Variants in RPP38 observed in about 807,000 individuals in gnomAD.
RPP38 encodes ribonuclease P/MRP subunit p38.
RPP38 carries 2 observed loss-of-function variants against 1.7 expected under a neutral mutation model. The ratio of observed to expected loss-of-function variants is 1.18; its 90% CI spans 0.48 to 3.70. The LOEUF is 3.70. Ranked by LOEUF, RPP38 falls within the 30% of genes most tolerant of loss-of-function variation. The pLI is 0.07. For synonymous variants in RPP38, 151 were observed against 131.8 expected, an observed-to-expected ratio of 1.15 and a Z score of -1.00; for missense variants, 358 against 340.1, an observed-to-expected ratio of 1.05 and a Z score of -0.41.
At chr10:15,101,397 T>C (rs1482066124) in intron 1 of RPP38, among the ~76,000 whole-genome samples, 1 of 152,108 alleles carries the variant, frequency 6.6e-6, no homozygotes, top group Non-Finnish European at 1.5e-5. Flanking sequence ...GGAAGAAAAC[T>C]GAGGGAAGAG....
intron 2 of RPP38, chr10:15,103,041 C>T (rs1265696263): frequency 4.6e-6 from 1 of 217,294 alleles, no homozygotes; most frequent in Non-Finnish European, 9.1e-6. Context: ...AAAATAGAAA[C>T]ATTAGCTGGG....
At chr10:15,099,562 C>T (rs1228830876) in intron 1 of RPP38, among the ~76,000 whole-genome samples, 1 of 151,850 alleles carries the variant, frequency 6.6e-6, no homozygotes, top group Non-Finnish European at 1.5e-5. Flanking sequence ...GCAGCCTCCG[C>T]CTTCTGGGTT....
chr10:15,103,508 A>C lies in RPP38; in HGVS notation c.194A>C (p.Lys65Thr). The C allele has an allele frequency of 6.2e-7, 1 of 1,614,102 alleles. No homozygotes were observed. The highest frequency in any genetic ancestry group is 8.5e-7 in the Non-Finnish European group (1 of 1,180,034). The stretch of plus-strand genomic sequence containing the variant: ...CTTCAGAAGATTGAAGATAAGAAGA[A>C]AAAGAACAAAACACCTTTTCTGAAA... ...IGLQKIEDKK[K>T]KNKTPFLKKE... Residue 65 changes from lysine (K) to threonine (T), a missense_variant, in exon 3 of 3, where the codon AAA (lysine) becomes ACA (threonine). Physicochemically the swap from Lys to Thr is moderately conservative, Grantham distance 78. Coordinates refer to ENST00000378197, the MANE Select transcript of RPP38 (RefSeq NM_183005.5).
intron 1 of RPP38, among the ~76,000 whole-genome samples, chr10:15,099,454 A>T (rs1845052834): frequency 6.6e-6 from 1 of 151,114 alleles, no homozygotes; most frequent in South Asian, 2.1e-4. Context: ...CAACAAAGCA[A>T]GACCTTGTCT....
Position 15,097,605 on chromosome 10 carries a change from G to A in RPP38, c.-291G>A, listed in dbSNP as rs1210852078. ...CCCGGGCCGGGCGCGTGCACCCAGAGCTTCCGCGTTTCTAGTCCGGCTCCT... is the reference window on the plus strand; with the variant it reads ...CCCGGGCCGGGCGCGTGCACCCAGAACTTCCGCGTTTCTAGTCCGGCTCCT... On this transcript the variant is annotated 5_prime_UTR_variant, in exon 1 of 3. Coordinates refer to ENST00000378197, the MANE Select transcript of RPP38 (RefSeq NM_183005.5). The A allele has an allele frequency of 6.6e-6, 1 of 152,322 alleles. No homozygotes were observed. The highest frequency in any genetic ancestry group is 1.5e-5 in the Non-Finnish European group (1 of 68,084). 9.4% of individuals were successfully genotyped at this position (152,322 alleles called of 1,614,324 possible). A position where few individuals can be genotyped will look rare whatever the true frequency, so the allele number is the denominator to read the frequency against.
Position 15,103,682 on chromosome 10 carries a change from C to T in RPP38, c.368C>T (p.Ala123Val). The change falls in exon 3 of 3, where the codon GCC becomes GTC. Residue 123 changes from alanine (A) to valine (V), a missense_variant. Coordinates refer to ENST00000378197, the MANE Select transcript of RPP38 (RefSeq NM_183005.5). Reference protein sequence around the residue: ...LAIGVNEVTRALERRELLLVL... With the variant: ...LAIGVNEVTRVLERRELLLVL... The stretch of plus-strand genomic sequence containing the variant: ...ATTGGCGTTAACGAAGTTACCAGAG[C>T]CCTGGAAAGGAGGGAACTGCTGTTA... The T allele has an allele frequency of 6.2e-7, 1 of 1,613,956 alleles. No individual in the cohort carries two copies. The highest frequency in any genetic ancestry group is 8.5e-7 in the Non-Finnish European group (1 of 1,180,020).
intron 1 of RPP38, among the ~76,000 whole-genome samples, chr10:15,099,106 C>T (rs1370364570): frequency 6.6e-6 from 1 of 152,078 alleles, no homozygotes; most frequent in South Asian, 2.1e-4. Flanking sequence ...CCTGGCACAT[C>T]GTGGATAATC....
intron 1 of RPP38, among the ~76,000 whole-genome samples, chr10:15,100,610 C>T (rs1845082617): frequency 6.6e-6 from 1 of 151,822 alleles, no homozygotes; most frequent in Non-Finnish European, 1.5e-5. Flanking sequence ...TTTCTCGGGG[C>T]TGTCCAGTGT....
chr10:15,103,467 G>C lies in RPP38; in HGVS notation c.153G>C (p.Arg51Ser), dbSNP rs1187748122. The C allele has an allele frequency of 6.2e-6, 10 of 1,614,010 alleles. No homozygotes were observed. The highest frequency in any genetic ancestry group is 3.3e-5 in the Admixed American group (2 of 59,998). Residue 51 changes from arginine to serine, a missense_variant, in exon 3 of 3, where the codon AGG (arginine) becomes AGC (serine). By Grantham distance (110) the Arg-to-Ser change is moderately radical. Coordinates refer to ENST00000378197, the MANE Select transcript of RPP38 (RefSeq NM_183005.5). ...TCATCCTACAGACGCTTGAGGACAGGCTTAAAGCTATTGGACTTCAGAAGA... is the reference window on the plus strand; with the variant it reads ...TCATCCTACAGACGCTTGAGGACAGCCTTAAAGCTATTGGACTTCAGAAGA... The part of the protein sequence containing the change: ...MHFILQTLED[R>S]LKAIGLQKIE...
In RPP38 at chr10:15,104,152, G is replaced by A. The variant is rs1161666726; in HGVS notation, c.838G>A (p.Ala280Thr). The change falls in exon 3 of 3, where the codon GCT becomes ACT. Residue 280 changes from alanine (A) to threonine (T), a missense_variant. By Grantham distance (58) the Ala-to-Thr change is moderately conservative. Transcript: ENST00000378197. The part of the protein sequence containing the change: ...KIRKPPKSKK[A>T]TPK ...AAGGAAACCACCCAAAAGTAAAAAA[G>A]CTACTCCAAAGTAATCTTGCATAAA... 2 of 1,566,928 alleles carry A rather than the reference G, an allele frequency of 1.3e-6. No homozygotes were observed. Among genetic ancestry groups the A allele is most frequent in the South Asian group, 1.2e-5 (1 of 83,186 alleles).
intron 1 of RPP38, among the ~76,000 whole-genome samples, chr10:15,100,132 C>T (rs1845070457): frequency 1.3e-5 from 2 of 152,214 alleles, no homozygotes; most frequent in Admixed American, 6.5e-5. Flanking sequence ...ACTTGGCTCT[C>T]TTTATCGCCC....
At chr10:15,101,724 T>C (rs776301277) in intron 1 of RPP38, among the ~76,000 whole-genome samples, 34 of 152,022 alleles carry the variant, frequency 2.2e-4, no homozygotes, top group Non-Finnish European at 4.4e-4. Flanking sequence ...ACCCCATCTC[T>C]ACTAAAAATA....
At chr10:15,099,397 C>G (rs916738609) in intron 1 of RPP38, among the ~76,000 whole-genome samples, 1 of 151,758 alleles carries the variant, frequency 6.6e-6, no homozygotes, top group Non-Finnish European at 1.5e-5. Flanking sequence ...TTGGGGAGGC[C>G]GAGGCTACGG....
At position 15,103,708 on chromosome 10, in the gene RPP38, G is replaced by T; in HGVS notation, c.394G>T (p.Val132Phe). ...RALERRELLL[V>F]LVCKSVKPAM... ...CCTGGAAAGGAGGGAACTGCTGTTA[G>T]TTCTGGTGTGTAAATCAGTCAAGCC... The change falls in exon 3 of 3, where the codon GTT (valine) becomes TTT (phenylalanine). Residue 132 changes from valine to phenylalanine, a missense_variant. Val to Phe is a conservative substitution (Grantham distance 50, BLOSUM62 -1). Transcript: ENST00000378197. The T allele has an allele frequency of 2.5e-6, 4 of 1,613,954 alleles. No homozygotes were observed. The highest frequency in any genetic ancestry group is 2.5e-6 in the Non-Finnish European group (3 of 1,180,026).
chr10:15,103,023 AC>A (rs1031411061), intron 2 of RPP38: 4 of 204,728 alleles, frequency 2.0e-5, no homozygotes, highest in African/African-American at 9.5e-5. Context: ...CCCTGTCTCT[AC>A]TAAAAAAAAA....
intron 1 of RPP38, among the ~76,000 whole-genome samples, chr10:15,099,115 T>C (rs772107328): frequency 2.0e-5 from 3 of 152,086 alleles, no homozygotes; most frequent in Non-Finnish European, 4.4e-5. Context: ...TCGTGGATAA[T>C]CGATAAATAT....
At chr10:15,098,772 G>A (rs1194406374) in intron 1 of RPP38, among the ~76,000 whole-genome samples, 1 of 151,152 alleles carries the variant, frequency 6.6e-6, no homozygotes, top group Non-Finnish European at 1.5e-5. Context: ...TGTAGTCCCA[G>A]CTACTCGGGA....
intron 2 of RPP38, chr10:15,102,569 A>T (rs1358935810): frequency 6.6e-6 from 1 of 152,208 alleles, no homozygotes; most frequent in African/African-American, 2.4e-5. Flanking sequence ...TTAATACCAT[A>T]CAGTCACTAG....
intron 1 of RPP38, among the ~76,000 whole-genome samples, chr10:15,099,399 AG>A (rs1845050985): frequency 6.6e-6 from 1 of 151,890 alleles, no homozygotes; most frequent in South Asian, 2.1e-4. Flanking sequence ...GGGGAGGCCG[AG>A]GCTACGGGAT....
Sources: gnomAD v4.1 joint callset for allele counts (sites outside exome capture counted in the v4.1 genomes callset) on GRCh38, gnomAD v4.1.1 for gene constraint, MANE v1.5 for transcripts, NCBI Gene and HGNC (gene_info 2026-07-23, HGNC 2026-07-21) for gene names.